Variants in PPEF1 observed in about 807,000 individuals in gnomAD.
The protein encoded by PPEF1 is serine/threonine-protein phosphatase with EF-hands 1.
Under a neutral mutation model 53.3 loss-of-function variants are expected in PPEF1, and 12 were observed. The ratio of observed to expected loss-of-function variants is 0.23; its 90% CI spans 0.14 to 0.36. The LOEUF (loss-of-function observed/expected upper bound fraction) is 0.36. Ranked by LOEUF, PPEF1 falls within the 10% of genes least tolerant of loss-of-function variation. The pLI is 1.00. For synonymous variants in PPEF1, 165 were observed against 176.7 expected, an observed-to-expected ratio of 0.93 and a Z score of 0.52; for missense variants, 334 against 490.4, an observed-to-expected ratio of 0.68 and a Z score of 3.01.
intron 3 of PPEF1, among the ~76,000 whole-genome samples, chrX:18,747,441 G>A (rs1231189984): frequency 1.8e-5 from 2 of 112,096 alleles, no homozygotes; most frequent in Non-Finnish European, 3.8e-5. Context: ...TCCAGCATCT[G>A]ACTTTCTAAA....
chrX:18,706,116 A>G (rs763904181), upstream of PPEF1, among the ~76,000 whole-genome samples: 6 of 106,424 alleles, frequency 5.6e-5, no homozygotes, highest in Non-Finnish European at 1.2e-4. Context: ...AAAAAATAAA[A>G]TTAGCCGGGT....
At chrX:18,718,426 G>A (rs542429686) in intron 1 of PPEF1, among the ~76,000 whole-genome samples, 25 of 109,916 alleles carry the variant, frequency 2.3e-4, no homozygotes, top group African/African-American at 8.3e-4. Context: ...AAAAAAAATA[G>A]CTGGACATGG....
chrX:18,787,498 G>A (rs1479454629), intron 9 of PPEF1, among the ~76,000 whole-genome samples: 1 of 111,234 alleles, frequency 9.0e-6, no homozygotes, highest in Non-Finnish European at 1.9e-5. Flanking sequence ...ACTCCCTGGG[G>A]GAAAATGGTC....
chrX:18,730,214 A>G lies in PPEF1; in HGVS notation c.80A>G (p.Tyr27Cys), dbSNP rs2044804493. The G allele has an allele frequency of 8.3e-7, 1 of 1,208,214 alleles. No individual in the cohort carries two copies. The highest frequency in any genetic ancestry group is 1.8e-5 in the African/African-American group (1 of 57,015). ...GCTGCGTTGATCATCCAGAACTGGT[A>G]CCGAGGTTACAAAGCTCGACTGAAG... ...LRAALIIQNW[Y>C]RGYKARLKAR... Residue 27 changes from tyrosine to cysteine, a missense_variant, in exon 2 of 16, where the codon TAC becomes TGC. Coordinates refer to ENST00000470157, the MANE Select transcript of PPEF1 (RefSeq NM_001377996.1).
At chrX:18,779,317 C>G (rs2046035072) in intron 7 of PPEF1, 141 bp downstream of exon 7, 1 of 504,234 alleles carries the variant, frequency 2.0e-6, no homozygotes, top group Non-Finnish European at 3.0e-6. Flanking sequence ...AATTCTTACC[C>G]CTTTCACCAC....
At chrX:18,680,531 T>G (rs1365429168), upstream of PPEF1, among the ~76,000 whole-genome samples, 3 of 105,291 alleles carry the variant, frequency 2.8e-5, no homozygotes, top group East Asian at 8.9e-4. Context: ...TGGGTTCAAA[T>G]GATTCTCCTG....
intron 8 of PPEF1, among the ~76,000 whole-genome samples, chrX:18,783,290 T>TG (rs773941282): frequency 2.4e-3 from 265 of 109,432 alleles, no homozygotes; most frequent in African/African-American, 8.1e-3. Flanking sequence ...AGAAGGTAGC[T>TG]GGGGTGTGGG....
At position 18,785,991 on chromosome X, in the gene PPEF1, A is replaced by T. The variant is rs6633138; in HGVS notation, c.912+1943A>T. ...GCCAATAAGACATTTTGATCAAGATATAATAGTCATTATTAACATAATGAG... is the reference window on the plus strand; with the variant it reads ...GCCAATAAGACATTTTGATCAAGATTTAATAGTCATTATTAACATAATGAG... On this transcript the variant is annotated intron_variant, in intron 9 of 15. Transcript: ENST00000470157. 7.9e-3 allele frequency among the ~76,000 whole-genome samples: 891 copies of T among 112,330 alleles called. 7 individuals carry two copies. The highest frequency in any genetic ancestry group is 0.028 in the African/African-American group (853 of 30,959).
In PPEF1 at chrX:18,806,396, T is replaced by G. The variant is rs758863957; in HGVS notation, c.1252-7T>G. ...ACGTGAACCTGACCCTCTTTTTCTT[T>G]AACCAGGTGGTGACTATATTTTCTG... is the stretch of plus-strand genomic sequence containing the variant. On this transcript the variant is annotated splice_region_variant and splice_polypyrimidine_tract_variant and intron_variant, in intron 11 of 15. Transcript: ENST00000470157. 9 of 1,199,462 alleles carry G rather than the reference T, an allele frequency of 7.5e-6. No individual in the cohort carries two copies. The East Asian group carries it at 2.7e-4, about 36-fold the overall frequency.
At chrX:18,733,833 A>G in intron 3 of PPEF1, 25 bp downstream of exon 3, 2 of 1,092,984 alleles carry the variant, frequency 1.8e-6, no homozygotes, top group Non-Finnish European at 2.5e-6. Context: ...TAGTCTTTTC[A>G]AATGTGTCAT....
At chrX:18,713,853 T>C (rs958641984) in intron 1 of PPEF1, among the ~76,000 whole-genome samples, 26 of 112,040 alleles carry the variant, frequency 2.3e-4, no homozygotes, top group African/African-American at 7.1e-4. Context: ...TAAACATTTC[T>C]CAAGTTGTTA....
intron 10 of PPEF1, among the ~76,000 whole-genome samples, chrX:18,801,105 G>T (rs892570243): frequency 9.8e-5 from 11 of 112,030 alleles, no homozygotes; most frequent in Admixed American, 8.6e-4. Flanking sequence ...AAGTAAAGGG[G>T]TTCCATTATA....
intron 1 of PPEF1, 77 bp downstream of exon 1, chrX:18,707,903 A>C: frequency 5.3e-6 from 5 of 948,320 alleles, no homozygotes; most frequent in Non-Finnish European, 7.5e-6. Flanking sequence ...CTCCTTTCTC[A>C]TTTACTCCCA....
chrX:18,713,790 T>C (rs2044380915), intron 1 of PPEF1, among the ~76,000 whole-genome samples: 1 of 111,972 alleles, frequency 8.9e-6, no homozygotes, highest in African/African-American at 3.2e-5. Context: ...AGATTTCTGA[T>C]CATCCTAAAT....
intron 13 of PPEF1, 78 bp from the exon 14 acceptor site, chrX:18,823,845 C>A: frequency 9.2e-7 from 1 of 1,084,503 alleles, no homozygotes; most frequent in Non-Finnish European, 1.2e-6. Flanking sequence ...CCATGCTGCC[C>A]TGGCTCTCCC....
chrX:18,817,737 A>G (rs2046950796), intron 12 of PPEF1, among the ~76,000 whole-genome samples: 1 of 111,648 alleles, frequency 9.0e-6, no homozygotes, highest in African/African-American at 3.3e-5. Flanking sequence ...ATAAATTTCA[A>G]TATCTGGTAT....
chrX:18,810,161 G>A (rs1255399454), intron 12 of PPEF1, among the ~76,000 whole-genome samples: 1 of 108,916 alleles, frequency 9.2e-6, no homozygotes, highest in Non-Finnish European at 1.9e-5. Context: ...ATTTTACAAT[G>A]TGGAATTTAT....
chrX:18,697,043 T>C, intron 4 of PPEF1, among the ~76,000 whole-genome samples: 1 of 112,431 alleles, frequency 8.9e-6, no homozygotes, highest in South Asian at 3.6e-4. Context: ...TCCAGGAAGC[T>C]TGTGAAATAG....
At chrX:18,695,342 C>A (rs750213982) in intron 4 of PPEF1, among the ~76,000 whole-genome samples, 10 of 112,891 alleles carry the variant, frequency 8.9e-5, no homozygotes, top group Middle Eastern at 4.6e-3. Flanking sequence ...AAATCACAGT[C>A]TTTTATAACC....
Sources: gnomAD v4.1 joint callset for allele counts (sites outside exome capture counted in the v4.1 genomes callset) on GRCh38, gnomAD v4.1.1 for gene constraint, MANE v1.5 for transcripts, NCBI Gene and HGNC (gene_info 2026-07-23, HGNC 2026-07-21) for gene names.